EHMT1: variants seen among roughly 807,000 people sequenced by gnomAD.
EHMT1 encodes the protein histone-lysine N-methyltransferase EHMT1.
EHMT1 carries 15 observed loss-of-function variants against 147.2 expected under a neutral mutation model. The ratio of observed to expected loss-of-function variants is 0.10; its 90% CI spans 0.07 to 0.16. The LOEUF (loss-of-function observed/expected upper bound fraction) is 0.16, where lower values mean the gene tolerates loss of function less well. Ranked by LOEUF, EHMT1 falls within the 10% of genes least tolerant of loss-of-function variation. The probability of loss-of-function intolerance (pLI) is 1.00; values close to 1 mark genes in which losing one functional copy is unlikely to be tolerated. For missense variants in EHMT1, 1,587 were observed against 1,772.4 expected, an observed-to-expected ratio of 0.90 and a Z score of 1.88; for synonymous variants, 795 against 709.6, an observed-to-expected ratio of 1.12 and a Z score of -1.91.
rs374719523 is a variant in EHMT1 at position 137,674,093 on chromosome 9, C to G, written c.22-36874C>G. Among the ~76,000 whole-genome samples the G allele has an allele frequency of 5.3e-5, 8 of 152,270 alleles. No homozygotes were observed. In the East Asian group the frequency reaches 1.4e-3, roughly 26 times the overall value. ...TAGTGGAGAGAGGCAGTGGGGCGAT[C>G]CAGGGTGGGCAGGGAGACGTTCTAA... On this transcript the variant is annotated intron_variant, in intron 1 of 26. Coordinates refer to ENST00000460843, the MANE Select transcript of EHMT1 (RefSeq NM_024757.5).
At chr9:137,676,432 C>G (rs1174857166) in intron 1 of EHMT1, 4 of 152,614 alleles carry the variant, frequency 2.6e-5, no homozygotes, top group Non-Finnish European at 5.8e-5. Context: ...GTGGCGCGAT[C>G]TCTGCTCGCT....
chr9:137,763,333 T>A, intron 10 of EHMT1: 1 of 202,448 alleles, frequency 4.9e-6, no homozygotes. Flanking sequence ...CAGACGGAAT[T>A]AATGTTTTCT....
At chr9:137,821,351 C>A (rs1422914526) in intron 25 of EHMT1, among the ~76,000 whole-genome samples, 1 of 114,988 alleles carries the variant, frequency 8.7e-6, no homozygotes, top group East Asian at 3.2e-4. Context: ...TTTAAGAGAC[C>A]AGGTCTTGCT....
At chr9:137,717,209 T>A in intron 3 of EHMT1, 27 bp downstream of exon 3, 1 of 1,609,178 alleles carries the variant, frequency 6.2e-7, no homozygotes, top group Non-Finnish European at 8.5e-7. Context: ...TCTTGCTGTT[T>A]CCTTTTTCCC....
chr9:137,831,457 A>G (rs944716898), intron 25 of EHMT1, among the ~76,000 whole-genome samples: 1 of 152,116 alleles, frequency 6.6e-6, no homozygotes, highest in South Asian at 2.1e-4. Context: ...GTACAAGTCA[A>G]TTTGTTTGAC....
rs1301905904 is a variant in EHMT1 at position 137,786,957 on chromosome 9, C to CG, written c.2383-3887dup. 6.6e-6 allele frequency: 1 copy of CG among 152,384 alleles called. No homozygotes were observed. Among genetic ancestry groups the CG allele is most frequent in the African/African-American group, 2.4e-5 (1 of 41,450 alleles). The allele number at this position is 152,384 out of a possible 1,614,324, so 9.4% of individuals were successfully genotyped here. ...GGTGTCCGAGCTGCCTCAAGCGCCC[C>CG]GGGGTCTTTTCTGACTTGATCTGTG... On this transcript the variant is annotated intron_variant, in intron 15 of 26. Transcript: ENST00000460843. The surrounding 1 kb of genome is among the most constrained non-coding windows in gnomAD (Gnocchi z 4.3).
At position 137,677,689 on chromosome 9, in the gene EHMT1, T is replaced by C. The variant is rs138850303; in HGVS notation, c.22-33278T>C. ...ACACAGAGTCAGCCACAGTGGTGTT[T>C]ATAATTGACAAAAAGAGTTGGTTGG... On this transcript the variant is annotated intron_variant, in intron 1 of 26. Transcript: ENST00000460843. Among the ~76,000 whole-genome samples, 288 of 152,188 alleles carry C rather than the reference T, an allele frequency of 1.9e-3. 2 individuals carry two copies. The highest frequency in any genetic ancestry group is 6.6e-3 in the African/African-American group (274 of 41,536).
chr9:137,816,531 A>C (rs1464439825), intron 23 of EHMT1: 1 of 237,804 alleles, frequency 4.2e-6, no homozygotes, highest in Non-Finnish European at 8.4e-6. Flanking sequence ...ACGCTCATGG[A>C]GTAAGGCTTG....
Position 137,675,944 on chromosome 9 carries a change from C to T in EHMT1, c.22-35023C>T, listed in dbSNP as rs542090931. Among the ~76,000 whole-genome samples, 56 of 151,088 alleles carry T rather than the reference C, an allele frequency of 3.7e-4. 2 individuals are homozygous for T. The highest frequency in any genetic ancestry group is 1.2e-4 in the Non-Finnish European group (8 of 67,792). ...GACTACAGGCGCCCGCCACTACGCC[C>T]GGCTAATTTTTTGTATTTTTAGTAG... On this transcript the variant is annotated intron_variant, in intron 1 of 26. Transcript: ENST00000460843.
intron 4 of EHMT1, 82 bp from the exon 5 acceptor site, chr9:137,743,289 A>G: frequency 5.3e-6 from 8 of 1,505,500 alleles, no homozygotes; most frequent in Non-Finnish European, 7.1e-6. Context: ...AGTTTTGTAA[A>G]CTGTCTCTTA....
intron 1 of EHMT1, among the ~76,000 whole-genome samples, chr9:137,656,154 C>T (rs112540520): frequency 1.3e-5 from 2 of 152,060 alleles, no homozygotes; most frequent in South Asian, 2.1e-4. Context: ...CCGAGGTGGG[C>T]GGATCACCTG....
intron 10 of EHMT1, among the ~76,000 whole-genome samples, chr9:137,771,044 C>T (rs1468115300): frequency 6.6e-6 from 1 of 152,006 alleles, no homozygotes; most frequent in Non-Finnish European, 1.5e-5. Flanking sequence ...CTTCACTTTA[C>T]TCTTGTCTTG....
intron 1 of EHMT1, among the ~76,000 whole-genome samples, chr9:137,651,534 A>G (rs907691594): frequency 2.6e-5 from 4 of 152,196 alleles, no homozygotes; most frequent in African/African-American, 9.6e-5. Flanking sequence ...TTGTAATCCC[A>G]TCGCTGTGGG....
chr9:137,778,108 AC>A (rs34939074), intron 13 of EHMT1, 53 bp downstream of exon 13: 1 of 1,609,822 alleles, frequency 6.2e-7, no homozygotes, highest in Admixed American at 1.7e-5. Flanking sequence ...TTTAATCTGC[AC>A]CCCGCGTTTT....
intron 5 of EHMT1, 34 bp from the exon 6 acceptor site, chr9:137,743,868 C>G: frequency 1.3e-6 from 2 of 1,589,248 alleles, no homozygotes; most frequent in Non-Finnish European, 1.7e-6. Flanking sequence ...GCGCACTGAT[C>G]CTGCCTTGGG....
intron 1 of EHMT1, among the ~76,000 whole-genome samples, chr9:137,643,506 G>A (rs563416527): frequency 6.6e-6 from 1 of 151,900 alleles, no homozygotes; most frequent in Admixed American, 6.6e-5. Context: ...CTGCCATCAC[G>A]CCTGGCTAAT....
In EHMT1 at chr9:137,793,011, C is replaced by T. The variant is rs566295118; in HGVS notation, c.2505+2041C>T. ...CGCTTCTGGGTTGGGGTTTCATGCG[C>T]GGCAAAGCAGCTCCCTCAGTACGAT... On this transcript the variant is annotated intron_variant, in intron 16 of 26. Coordinates refer to ENST00000460843, the MANE Select transcript of EHMT1 (RefSeq NM_024757.5). 9.9e-5 allele frequency among the ~76,000 whole-genome samples: 15 copies of T among 152,246 alleles called. No homozygotes were observed. In the East Asian group the frequency reaches 2.5e-3, roughly 25 times the overall value.
At chr9:137,640,245 T>C (rs1017078336) in intron 1 of EHMT1, among the ~76,000 whole-genome samples, 1 of 152,128 alleles carries the variant, frequency 6.6e-6, no homozygotes, top group African/African-American at 2.4e-5. Flanking sequence ...TGTAACCTTA[T>C]TTTTTAAAGC....
At position 137,811,469 on chromosome 9, in the gene EHMT1, C is replaced by T. The variant is rs2137670747; in HGVS notation, c.2721C>T (p.Asn907=). Reference sequence around the variant, plus strand: ...GGCTTGTGTCTGTTCAGGAGGAGAACATTTGCCTGCACTGGGCGGCGTTCT... The same window carrying T: ...GGCTTGTGTCTGTTCAGGAGGAGAATATTTGCCTGCACTGGGCGGCGTTCT... ...SDINIRDNEE[N]ICLHWAAFSG... The change falls in exon 19 of 27, where the codon AAC becomes AAT. Residue 907 remains asparagine (N), a synonymous_variant. Transcript: ENST00000460843. 6.2e-7 allele frequency: 1 copy of T among 1,612,608 alleles called. No individual in the cohort carries two copies.
Sources: gnomAD v4.1 joint callset for allele counts (sites outside exome capture counted in the v4.1 genomes callset) on GRCh38, gnomAD v4.1.1 for gene constraint, Gnocchi (gnomAD v3.1) non-coding constraint, MANE v1.5 for transcripts, NCBI Gene and HGNC (gene_info 2026-07-23, HGNC 2026-07-21) for gene names.